The following ABCC4 variants were observed in gnomAD, a reference collection of about 807,000 sequenced individuals.
ABCC4 encodes the protein ATP-binding cassette sub-family C member 4.
In ABCC4, 102 loss-of-function variants were observed where a neutral mutation model predicts 168.5. The observed-to-expected ratio is 0.61, with a 90% CI of 0.52 to 0.71. The LOEUF is 0.71. Among genes scored for constraint, ABCC4 ranks in the 30% least tolerant of loss-of-function variants. The probability of loss-of-function intolerance (pLI) is 0.00; values close to 1 mark genes in which losing one functional copy is unlikely to be tolerated. For synonymous variants in ABCC4, 617 were observed against 590.7 expected, an observed-to-expected ratio of 1.04 and a Z score of -0.65; for missense variants, 1,402 against 1,605.8, an observed-to-expected ratio of 0.87 and a Z score of 2.17.
At chr13:95,045,766 G>T (rs150876165) in intron 27 of ABCC4, among the ~76,000 whole-genome samples, 1 of 152,228 alleles carries the variant, frequency 6.6e-6, no homozygotes, top group Non-Finnish European at 1.5e-5. Flanking sequence ...AGATCAGCAA[G>T]CAGATAGATG....
chr13:95,188,572 A>G, intron 9 of ABCC4, 30 bp from the exon 10 acceptor site: 1 of 1,554,294 alleles, frequency 6.4e-7, no homozygotes, highest in Non-Finnish European at 8.8e-7. Context: ...AAATGTGCCC[A>G]TTTCAATAAA....
At chr13:95,034,818 A>G in intron 29 of ABCC4, 79 bp from the exon 30 acceptor site, 4 of 1,592,870 alleles carry the variant, frequency 2.5e-6, no homozygotes, top group Non-Finnish European at 3.4e-6. Context: ...TATTTCGGAA[A>G]GGGGCAGGAG....
chr13:95,212,787 AC>A (rs1207398172), intron 4 of ABCC4, among the ~76,000 whole-genome samples: 1 of 152,070 alleles, frequency 6.6e-6, no homozygotes, highest in East Asian at 1.9e-4. Context: ...AATCAGTCAT[AC>A]TCCAGATAGG....
chr13:95,159,123 A>C (rs1475309925), intron 19 of ABCC4, among the ~76,000 whole-genome samples: 1 of 134,046 alleles, frequency 7.5e-6, no homozygotes, highest in Admixed American at 7.5e-5. Context: ...ATATATATAT[A>C]TATATATATA....
Position 95,092,825 on chromosome 13 carries a change from C to A in ABCC4, c.2536-9535G>T, listed in dbSNP as rs369030649. On this transcript the variant is annotated intron_variant, in intron 20 of 30. Coordinates refer to ENST00000645237, the MANE Select transcript of ABCC4 (RefSeq NM_005845.5). ...TGAAAAGGTAAATAAAATTGATAGG[C>A]CATTAGCAAGATTAACCAAGAAAAG... Among the ~76,000 whole-genome samples the A allele has an allele frequency of 8.6e-5, 13 of 151,916 alleles. 1 individual carries two copies. The South Asian group carries it at 2.7e-3, about 32-fold the overall frequency.
intron 20 of ABCC4, among the ~76,000 whole-genome samples, chr13:95,102,634 C>CT (rs111272484): frequency 0.48 from 69,382 of 143,688 alleles, 17,240 homozygotes; most frequent in South Asian, 0.68. Flanking sequence ...CTAGTCACAC[C>CT]TTTTTTTTTT....
chr13:95,137,349 C>G (rs1233597995), intron 19 of ABCC4, among the ~76,000 whole-genome samples: 1 of 152,220 alleles, frequency 6.6e-6, no homozygotes, highest in Non-Finnish European at 1.5e-5. Context: ...GCTACAGGCA[C>G]TTCCCTTTCA....
chr13:95,264,468 G>C (rs1487568911), intron 1 of ABCC4, among the ~76,000 whole-genome samples: 1 of 152,178 alleles, frequency 6.6e-6, no homozygotes, highest in Non-Finnish European at 1.5e-5. Context: ...AGTGATAACA[G>C]TTACCATCAC....
At chr13:95,046,385 G>T (rs1423835187) in intron 27 of ABCC4, among the ~76,000 whole-genome samples, 1 of 152,276 alleles carries the variant, frequency 6.6e-6, no homozygotes, top group East Asian at 1.9e-4. Context: ...GGGTTGTGAG[G>T]TGAAGAATAA....
chr13:95,062,497 C>CACACACAT (rs2033335640), intron 26 of ABCC4, among the ~76,000 whole-genome samples: 1 of 151,346 alleles, frequency 6.6e-6, no homozygotes, highest in Non-Finnish European at 1.5e-5. Context: ...CACACACACA[C>CACACACAT]ACACACACAC....
chr13:95,228,684 A>G (rs1425998748), intron 4 of ABCC4, among the ~76,000 whole-genome samples: 1 of 151,920 alleles, frequency 6.6e-6, no homozygotes, highest in Non-Finnish European at 1.5e-5. Context: ...GAATCACTTG[A>G]ACCCGGGAGG....
At chr13:95,098,484 G>A (rs2034687199) in intron 20 of ABCC4, among the ~76,000 whole-genome samples, 1 of 151,932 alleles carries the variant, frequency 6.6e-6, no homozygotes, top group South Asian at 2.1e-4. Context: ...TCAGTGTCGG[G>A]AATAAAAGAA....
At chr13:95,141,597 T>C (rs1030428188) in intron 19 of ABCC4, among the ~76,000 whole-genome samples, 48 of 152,226 alleles carry the variant, frequency 3.2e-4, no homozygotes, top group African/African-American at 1.1e-3. Context: ...CCTTAACATA[T>C]CTTAGCCCAT....
At chr13:95,150,126 A>G (rs1352472167) in intron 19 of ABCC4, among the ~76,000 whole-genome samples, 1 of 151,944 alleles carries the variant, frequency 6.6e-6, no homozygotes, top group African/African-American at 2.4e-5. Flanking sequence ...GGCACACACC[A>G]CTGTGCACAG....
chr13:95,158,755 A>G (rs1274579377), intron 19 of ABCC4, among the ~76,000 whole-genome samples: 1 of 151,972 alleles, frequency 6.6e-6, no homozygotes, highest in African/African-American at 2.4e-5. Context: ...CCTCACTATC[A>G]TAGAGGGGAA....
chr13:95,099,033 T>C (rs1263276599), intron 20 of ABCC4, among the ~76,000 whole-genome samples: 1 of 152,196 alleles, frequency 6.6e-6, no homozygotes, highest in African/African-American at 2.4e-5. Context: ...GCATTTTATC[T>C]GAGATGAATG....
chr13:95,031,921 A>G (rs2031895474), intron 30 of ABCC4, among the ~76,000 whole-genome samples: 1 of 152,202 alleles, frequency 6.6e-6, no homozygotes, highest in Admixed American at 6.5e-5. Context: ...ATTTTGATAT[A>G]TAGATAGGGA....
At chr13:95,222,446 G>C (rs2039334526) in intron 4 of ABCC4, among the ~76,000 whole-genome samples, 1 of 152,214 alleles carries the variant, frequency 6.6e-6, no homozygotes, top group Admixed American at 6.5e-5. Flanking sequence ...GTGGAGGCCA[G>C]AGCTTGGGTT....
intron 1 of ABCC4, among the ~76,000 whole-genome samples, chr13:95,290,360 G>A (rs912323358): frequency 6.6e-6 from 1 of 152,138 alleles, no homozygotes; most frequent in African/African-American, 2.4e-5. Flanking sequence ...TTTGAAGGGA[G>A]CAATTTGAGA....
Sources: allele counts gnomAD v4.1 joint callset (sites outside exome capture counted in the v4.1 genomes callset), GRCh38; gene constraint gnomAD v4.1.1; transcripts MANE v1.5; gene names NCBI Gene and HGNC (gene_info 2026-07-23, HGNC 2026-07-21).